VAV2: variants seen among roughly 807,000 people sequenced by gnomAD.
VAV2 encodes the protein vav guanine nucleotide exchange factor 2.
VAV2 carries 67 observed loss-of-function variants against 132.5 expected under a neutral mutation model. That is an observed-to-expected ratio of 0.51 (90% CI 0.42 to 0.62). The LOEUF is 0.62. Among genes scored for constraint, VAV2 ranks in the 20% least tolerant of loss-of-function variants. The pLI, the probability that VAV2 is intolerant of heterozygous loss-of-function variation, is 0.00. For missense variants in VAV2, 938 were observed against 1,153.6 expected (o/e 0.81, Z 2.71); for synonymous variants, 492 against 443.5 (o/e 1.11, Z -1.37).
intron 2 of VAV2, among the ~76,000 whole-genome samples, chr9:133,908,857 T>C (rs2789824): frequency 0.95 from 144,167 of 152,320 alleles, 68,386 homozygotes; most frequent in East Asian, 1. Flanking sequence ...GTTCTGAAAA[T>C]GTGTGGGGAC....
intron 9 of VAV2, among the ~76,000 whole-genome samples, chr9:133,805,453 T>C (rs1288108318): frequency 6.6e-6 from 1 of 151,546 alleles, no homozygotes; most frequent in Non-Finnish European, 1.5e-5. Flanking sequence ...GGAAACGCCA[T>C]CTCCCCAGCC....
chr9:133,831,661 C>T (rs1836270307), intron 4 of VAV2, among the ~76,000 whole-genome samples: 1 of 152,160 alleles, frequency 6.6e-6, no homozygotes, highest in Non-Finnish European at 1.5e-5. Flanking sequence ...CGATGTGGGC[C>T]CCATCGTCCC....
intron 29 of VAV2, among the ~76,000 whole-genome samples, chr9:133,766,415 CA>C (rs1833433203): frequency 6.6e-6 from 1 of 152,160 alleles, no homozygotes; most frequent in Admixed American, 6.5e-5. Context: ...AAATGTGGCA[CA>C]TATACACCAC....
intron 2 of VAV2, among the ~76,000 whole-genome samples, chr9:133,900,731 C>G (rs889231447): frequency 6.6e-6 from 1 of 151,622 alleles, no homozygotes; most frequent in East Asian, 1.9e-4. Flanking sequence ...AATCGCCTTG[C>G]CTTTTCTCCA....
intron 2 of VAV2, among the ~76,000 whole-genome samples, chr9:133,905,203 T>C (rs1588346285): frequency 6.7e-6 from 1 of 150,194 alleles, no homozygotes; most frequent in African/African-American, 2.5e-5. Context: ...CCAAGGCGGG[T>C]GGATCACCTG....
intron 2 of VAV2, among the ~76,000 whole-genome samples, chr9:133,913,252 C>T (rs1441347211): frequency 9.2e-5 from 14 of 152,186 alleles, no homozygotes; most frequent in Non-Finnish European, 4.4e-5. Flanking sequence ...GGCGCCACGG[C>T]CCCCATGAGA....
At chr9:133,960,017 G>A (rs1376358670) in intron 1 of VAV2, among the ~76,000 whole-genome samples, 1 of 152,238 alleles carries the variant, frequency 6.6e-6, no homozygotes, top group East Asian at 1.9e-4. Context: ...AGCACACAGT[G>A]AGAGCCGGGA....
At chr9:133,942,488 A>G (rs772601538) in intron 1 of VAV2, among the ~76,000 whole-genome samples, 2 of 152,278 alleles carry the variant, frequency 1.3e-5, no homozygotes, top group Non-Finnish European at 2.9e-5. Flanking sequence ...AGCAGGCCTG[A>G]GCCGGGGCAG....
intron 4 of VAV2, among the ~76,000 whole-genome samples, chr9:133,827,563 G>A (rs113139865): frequency 3.3e-3 from 218 of 65,092 alleles, no homozygotes; most frequent in Middle Eastern, 6.3e-3. Flanking sequence ...CTACCGCTGC[G>A]CCCACTGGGG....
chr9:133,805,858 C>A (rs1346376975), intron 9 of VAV2, among the ~76,000 whole-genome samples: 2 of 152,232 alleles, frequency 1.3e-5, no homozygotes, highest in Non-Finnish European at 2.9e-5. Flanking sequence ...CCCAATCCTG[C>A]CCCTGCCGAG....
intron 1 of VAV2, among the ~76,000 whole-genome samples, chr9:133,941,511 G>A (rs1351176552): frequency 6.6e-6 from 1 of 151,696 alleles, no homozygotes; most frequent in Non-Finnish European, 1.5e-5. Flanking sequence ...TAGACAATGT[G>A]AGTCTAAAAC....
intron 1 of VAV2, among the ~76,000 whole-genome samples, chr9:133,964,705 A>C (rs1842090356): frequency 6.6e-6 from 1 of 152,212 alleles, no homozygotes; most frequent in African/African-American, 2.4e-5. Context: ...ACATCAACAG[A>C]AGGAAGAACA....
In VAV2 at chr9:133,763,896, G is replaced by T; in HGVS notation, c.*166C>A. 1.2e-6 allele frequency: 1 copy of T among 806,966 alleles called. No homozygotes were observed. The highest frequency in any genetic ancestry group is 2.0e-6 in the Non-Finnish European group (1 of 502,234). The allele number at this position is 806,966 out of a possible 1,614,324, so 50.0% of individuals were successfully genotyped here. The stretch of plus-strand genomic sequence containing the variant: ...GGGTCGCCGAGGGCAGGCTGACAGT[G>T]AAACGGTTCGAGTTTAGGATTCTCA... On this transcript the variant is annotated 3_prime_UTR_variant, in exon 30 of 30. Transcript: ENST00000371850. This position sits in a 1 kb window ranked among gnomAD's most constrained non-coding sequence, Gnocchi z 6.8.
intron 10 of VAV2, 141 bp from the exon 11 acceptor site, chr9:133,796,665 G>A (rs917739930): frequency 1.0e-5 from 7 of 699,912 alleles, no homozygotes; most frequent in Admixed American, 5.6e-5. Context: ...CCAGGCTCCC[G>A]GAACCAGTCC....
Position 133,791,971 on chromosome 9 carries a change from C to A in VAV2, c.1102-102G>T, listed in dbSNP as rs566959797. 283 of 223,004 alleles carry A rather than the reference C, an allele frequency of 1.3e-3. 2 individuals are homozygous for A. In the South Asian group the frequency reaches 0.021, roughly 17 times the overall value. 13.8% of individuals were successfully genotyped at this position (223,004 alleles called of 1,614,324 possible). A position where few individuals can be genotyped will look rare whatever the true frequency, so the allele number is the denominator to read the frequency against. On this transcript the variant is annotated intron_variant, in intron 12 of 29. Coordinates refer to ENST00000371850, the MANE Select transcript of VAV2 (RefSeq NM_001134398.2). ...TGGGTGGGGTGTGTGTGCATGTGAG[C>A]GGGCTGTGCTGGGTGGGGGGTGTGT...
chr9:133,818,235 G>C (rs142112597), intron 4 of VAV2, among the ~76,000 whole-genome samples: 2 of 151,932 alleles, frequency 1.3e-5, no homozygotes, highest in Non-Finnish European at 2.9e-5. Context: ...GCATGGTGGC[G>C]GGCACCTGAA....
chr9:133,929,448 T>C (rs1429440979), intron 2 of VAV2, among the ~76,000 whole-genome samples: 1 of 151,940 alleles, frequency 6.6e-6, no homozygotes, highest in African/African-American at 2.4e-5. Flanking sequence ...GGTGCCAGGA[T>C]GGATTCGAGG....
Position 133,806,012 on chromosome 9 carries a change from T to C in VAV2, c.836+69A>G, listed in dbSNP as rs1835123877. 2.7e-6 allele frequency: 4 copies of C among 1,487,696 alleles called. No homozygotes were observed. The Admixed American group carries it at 5.7e-5, about 21-fold the overall frequency. The allele number at this position is 1,487,696 out of a possible 1,614,324, so 92.2% of individuals were successfully genotyped here. A position where few individuals can be genotyped will look rare whatever the true frequency, so the allele number is the denominator to read the frequency against. On this transcript the variant is annotated intron_variant, in intron 9 of 29. Transcript: ENST00000371850. ...CCCAAGAGTCCCACTTACACAAGAG[T>C]TCCACTTGTGTAAACTCTCCCGCAG...
intron 2 of VAV2, among the ~76,000 whole-genome samples, chr9:133,895,935 T>C (rs1413314631): frequency 1.2e-5 from 1 of 82,974 alleles, no homozygotes; most frequent in Non-Finnish European, 2.5e-5. Context: ...AATCTTTTTT[T>C]TTTTTTTTTT....
Sources: gnomAD v4.1 joint callset for allele counts (sites outside exome capture counted in the v4.1 genomes callset) on GRCh38, gnomAD v4.1.1 for gene constraint, Gnocchi (gnomAD v3.1) non-coding constraint, MANE v1.5 for transcripts, NCBI Gene and HGNC (gene_info 2026-07-23, HGNC 2026-07-21) for gene names.